Variants in LRRC9 observed in about 807,000 individuals in gnomAD.
The protein encoded by LRRC9 is leucine-rich repeat-containing protein 9.
Under a neutral mutation model 63.2 loss-of-function variants are expected in LRRC9, and 122 were observed. The ratio of observed to expected loss-of-function variants is 1.93; its 90% CI spans 1.67 to 2.24. The LOEUF is 2.24. Ranked by LOEUF, LRRC9 falls within the 30% of genes most tolerant of loss-of-function variation. The pLI, the probability that LRRC9 is intolerant of heterozygous loss-of-function variation, is 0.00. For synonymous variants in LRRC9, 366 were observed against 213.1 expected, an observed-to-expected ratio of 1.72 and a Z score of -6.25; for missense variants, 1,071 against 627.7, an observed-to-expected ratio of 1.71 and a Z score of -7.55.
Position 59,923,228 on chromosome 14 carries a change from T to C in LRRC9, c.-34+3345T>C, listed in dbSNP as rs1019085341. ...TAGCATCCTTGTGATTCAGAAATAG[T>C]TATACAACTTATAGAATTTGGGGTT... On this transcript the variant is annotated intron_variant, in intron 1 of 31. Transcript: ENST00000445360. The surrounding 1 kb of genome is among the most constrained non-coding windows in gnomAD (Gnocchi z 4.2). Among the ~76,000 whole-genome samples the C allele has an allele frequency of 6.6e-6, 1 of 152,234 alleles. No individual in the cohort carries two copies. The highest frequency in any genetic ancestry group is 2.4e-5 in the African/African-American group (1 of 41,470).
At chr14:59,954,228 A>G (rs1345666761) in intron 8 of LRRC9, among the ~76,000 whole-genome samples, 1 of 152,204 alleles carries the variant, frequency 6.6e-6, no homozygotes, top group Non-Finnish European at 1.5e-5. Context: ...TGGGAATAGC[A>G]CTGAATCTAT....
At chr14:60,063,165 G>T (rs991719043) in intron 31 of LRRC9, among the ~76,000 whole-genome samples, 158 bp from the exon 33 acceptor site, 10 of 152,094 alleles carry the variant, frequency 6.6e-5, no homozygotes, top group African/African-American at 2.4e-4. Flanking sequence ...AAAGTGCTCG[G>T]ATTACAGGTG....
intron 17 of LRRC9, among the ~76,000 whole-genome samples, chr14:59,991,282 A>G (rs1888062894): frequency 6.6e-6 from 1 of 152,176 alleles, no homozygotes; most frequent in Admixed American, 6.5e-5. Context: ...CATGCTTCTC[A>G]TATAAATGAG....
chr14:60,003,679 T>A lies in LRRC9; in HGVS notation c.2723T>A (p.Leu908Ter), dbSNP rs1361036577. ...TTTGAAATCACAAATTTAGAAAAAT[T>A]GGAAAATTTGAAATGGGCATCATTC... The change falls in exon 21 of 32, where the codon TTG (leucine) becomes TAG (stop). Residue 908 changes from leucine to a stop codon, truncating the protein, a stop_gained. Coordinates refer to ENST00000445360, the Ensembl canonical transcript of LRRC9. LOFTEE classifies it high-confidence loss of function. The surrounding 1 kb of genome is among the most constrained non-coding windows in gnomAD (Gnocchi z 4.2). The A allele has an allele frequency of 1.4e-6, 1 of 694,310 alleles. No homozygotes were observed. The highest frequency in any genetic ancestry group is 2.6e-6 in the Non-Finnish European group (1 of 382,278). The allele number at this position is 694,310 out of a possible 1,614,324, so 43.0% of individuals were successfully genotyped here. A position where few individuals can be genotyped will look rare whatever the true frequency, so the allele number is the denominator to read the frequency against.
exon 29 of LRRC9, chr14:60,032,045 T>C: frequency 1.4e-6 from 1 of 700,810 alleles, no homozygotes; most frequent in Middle Eastern, 2.3e-4. Context: ...TCAGGGAGCT[T>C]ACAGTGTATG....
chr14:59,979,607 G>A (rs1303647870), intron 15 of LRRC9, among the ~76,000 whole-genome samples: 4 of 151,736 alleles, frequency 2.6e-5, no homozygotes, highest in Admixed American at 6.6e-5. Context: ...GCGAGACTCC[G>A]TCTCAAAAAA....
At position 60,058,796 on chromosome 14, in the gene LRRC9, A is replaced by C. The variant is rs1012199069; in HGVS notation, c.4276+774A>C. On this transcript the variant is annotated intron_variant, in intron 31 of 31. Transcript: ENST00000445360. The surrounding 1 kb of genome is among the most constrained non-coding windows in gnomAD (Gnocchi z 4.4). The stretch of plus-strand genomic sequence containing the variant: ...ATGATCTAAGAGCCTCCTATAAAAA[A>C]AAGTAGACTGTTCCATGTGATTAAA... Among the ~76,000 whole-genome samples the C allele has an allele frequency of 6.6e-6, 1 of 152,200 alleles. No individual in the cohort carries two copies. The highest frequency in any genetic ancestry group is 2.4e-5 in the African/African-American group (1 of 41,472).
rs933738530 is a variant in LRRC9 at position 59,936,207 on chromosome 14, A to G, written c.544-2183A>G. ...CTGTATTTCAGTATCTTCATTTTAA[A>G]AATGATGATAGCAGGATTATTATAA... On this transcript the variant is annotated intron_variant, in intron 6 of 31. Coordinates refer to ENST00000445360, the Ensembl canonical transcript of LRRC9. This position sits in a 1 kb window ranked among gnomAD's most constrained non-coding sequence, Gnocchi z 4.2. 4.6e-5 allele frequency among the ~76,000 whole-genome samples: 7 copies of G among 152,330 alleles called. No individual in the cohort carries two copies. In the East Asian group the frequency reaches 5.8e-4, roughly 13 times the overall value.
intron 12 of LRRC9, among the ~76,000 whole-genome samples, chr14:59,970,274 G>A (rs1002451539): frequency 2.6e-5 from 4 of 151,908 alleles, no homozygotes; most frequent in Non-Finnish European, 5.9e-5. Context: ...CTCCATCCAT[G>A]TTCCTGGAAA....
intron 17 of LRRC9, among the ~76,000 whole-genome samples, chr14:59,989,927 C>CT (rs71451089): frequency 0.059 from 7,751 of 132,272 alleles, 276 homozygotes; most frequent in African/African-American, 0.094. Context: ...CTAGACCTTC[C>CT]TTTTTTTTTT....
chr14:60,035,250 T>A (rs1892333591), intron 29 of LRRC9, among the ~76,000 whole-genome samples: 2 of 152,150 alleles, frequency 1.3e-5, no homozygotes, highest in Admixed American at 6.6e-5. Context: ...TGATTACTAA[T>A]CCCTTGTCAG....
chr14:59,931,244 T>G (rs1889678912), intron 4 of LRRC9, among the ~76,000 whole-genome samples, 186 bp downstream of exon 4: 1 of 152,104 alleles, frequency 6.6e-6, no homozygotes, highest in Non-Finnish European at 1.5e-5. Flanking sequence ...TGTACATTAC[T>G]TTCTTTACTC....
chr14:60,034,339 G>A, intron 29 of LRRC9, among the ~76,000 whole-genome samples: 1 of 151,844 alleles, frequency 6.6e-6, no homozygotes, highest in Admixed American at 6.6e-5. Flanking sequence ...ATGTATTGCT[G>A]TCATAGTACT....
At position 59,986,068 on chromosome 14, in the gene LRRC9, A is replaced by C. The variant is rs1887440018; in HGVS notation, c.2211+844A>C. ...CTCCCATCTGCTCATCCAGGTTATTATTTCTTTCTTTCTGTCTTGTCCTTT... is the reference window on the plus strand; with the variant it reads ...CTCCCATCTGCTCATCCAGGTTATTCTTTCTTTCTTTCTGTCTTGTCCTTT... On this transcript the variant is annotated intron_variant, in intron 17 of 31. Coordinates refer to ENST00000445360, the Ensembl canonical transcript of LRRC9. The surrounding 1 kb of genome is among the most constrained non-coding windows in gnomAD (Gnocchi z 4.7). Among the ~76,000 whole-genome samples, 1 of 151,674 alleles carries C rather than the reference A, an allele frequency of 6.6e-6. No individual in the cohort carries two copies. The highest frequency in any genetic ancestry group is 1.5e-5 in the Non-Finnish European group (1 of 67,898).
At chr14:59,996,050 T>C (rs1888752694) in intron 17 of LRRC9, among the ~76,000 whole-genome samples, 1 of 152,106 alleles carries the variant, frequency 6.6e-6, no homozygotes. Context: ...AGAAGACAGT[T>C]ATATTTTTAT....
At position 60,017,559 on chromosome 14, in the gene LRRC9, T is replaced by G. The variant is rs1396302068; in HGVS notation, c.3317+769T>G. 2.0e-5 allele frequency among the ~76,000 whole-genome samples: 3 copies of G among 152,150 alleles called. No individual in the cohort carries two copies. The highest frequency in any genetic ancestry group is 4.4e-5 in the Non-Finnish European group (3 of 68,008). On this transcript the variant is annotated intron_variant, in intron 24 of 31. Transcript: ENST00000445360. This position sits in a 1 kb window ranked among gnomAD's most constrained non-coding sequence, Gnocchi z 4.0. ...TCACAGCAATTCTCCTCTTTATTTT[T>G]ATTTTTCTGGCTCCCACTTCTTGGG...
intron 22 of LRRC9, 162 bp downstream of exon 22, chr14:60,006,779 T>A: frequency 2.1e-6 from 1 of 485,668 alleles, no homozygotes; most frequent in Non-Finnish European, 3.6e-6. Context: ...GTTGTATACA[T>A]ACAAAAATAT....
At chr14:59,940,333 T>A (rs914518798) in intron 7 of LRRC9, among the ~76,000 whole-genome samples, 1 of 152,144 alleles carries the variant, frequency 6.6e-6, no homozygotes, top group East Asian at 1.9e-4. Context: ...TGGATTGATA[T>A]AGATTTATAA....
intron 29 of LRRC9, among the ~76,000 whole-genome samples, chr14:60,046,054 C>G (rs778665756): frequency 6.6e-6 from 1 of 152,136 alleles, no homozygotes; most frequent in Non-Finnish European, 1.5e-5. Context: ...TGTTCATCAG[C>G]CTCATGTATG....
Sources: allele counts gnomAD v4.1 joint callset (sites outside exome capture counted in the v4.1 genomes callset), GRCh38; gene constraint gnomAD v4.1.1; non-coding constraint Gnocchi (gnomAD v3.1); transcripts MANE v1.5; gene names NCBI Gene and HGNC (gene_info 2026-07-23, HGNC 2026-07-21).